The following RELN variants were observed in gnomAD, a reference collection of about 807,000 sequenced individuals.
RELN encodes the protein reelin.
Under a neutral mutation model 427.6 loss-of-function variants are expected in RELN, and 108 were observed. The observed-to-expected ratio is 0.25, with a 90% CI of 0.22 to 0.30. The LOEUF (loss-of-function observed/expected upper bound fraction) is 0.30. Among genes scored for constraint, RELN ranks in the 10% least tolerant of loss-of-function variants. The pLI is 1.00. For synonymous variants in RELN, 1,524 were observed against 1,513.4 expected (o/e 1.01, Z -0.16); for missense variants, 3,715 against 4,302.8 (o/e 0.86, Z 3.82).
intron 3 of RELN, 130 bp downstream of exon 3, chr7:103,833,407 A>T (rs182692696): frequency 1.8e-5 from 17 of 963,748 alleles, no homozygotes; most frequent in Non-Finnish European, 2.8e-5. Flanking sequence ...TTTTGGCAAC[A>T]AAATTAGTGA....
chr7:103,543,119 A>G (rs562741383), intron 42 of RELN, among the ~76,000 whole-genome samples: 135 of 152,292 alleles, frequency 8.9e-4, no homozygotes, highest in African/African-American at 3.2e-3. Flanking sequence ...TTGAGTATCT[A>G]TGGTCCAGCT....
At chr7:103,498,519 T>G (rs141829550) in intron 53 of RELN, among the ~76,000 whole-genome samples, 116 of 152,118 alleles carry the variant, frequency 7.6e-4, no homozygotes, top group African/African-American at 2.7e-3. Flanking sequence ...TGAGACGAAG[T>G]CTTGCTCTGT....
chr7:103,876,090 C>A (rs974559789), intron 2 of RELN, among the ~76,000 whole-genome samples: 1 of 152,128 alleles, frequency 6.6e-6, no homozygotes, highest in African/African-American at 2.4e-5. Context: ...ATTATGTACT[C>A]CTAAGGGGCT....
chr7:103,888,029 A>C (rs1379573551), intron 2 of RELN, among the ~76,000 whole-genome samples: 2 of 152,182 alleles, frequency 1.3e-5, no homozygotes, highest in Non-Finnish European at 2.9e-5. Flanking sequence ...AACAGTAACT[A>C]GACTCAGACT....
intron 10 of RELN, 120 bp from the exon 11 acceptor site, chr7:103,682,381 T>G (rs1833674516): frequency 9.8e-7 from 1 of 1,015,878 alleles, no homozygotes. Flanking sequence ...TATGATGGAC[T>G]CTCAAATCAA....
At position 103,831,411 on chromosome 7, in the gene RELN, A is replaced by G. The variant is rs1046662649; in HGVS notation, c.473+2126T>C. Among the ~76,000 whole-genome samples the G allele has an allele frequency of 6.6e-5, 10 of 152,074 alleles. No homozygotes were observed. In the East Asian group the frequency reaches 1.7e-3, roughly 27 times the overall value. ...ACTAATGGAGAATCAAAAAGAAATA[A>G]GAATTTGTCCCTGTCCAATCTAACA... On this transcript the variant is annotated intron_variant, in intron 3 of 64. Coordinates refer to ENST00000428762, the MANE Select transcript of RELN (RefSeq NM_005045.4).
At chr7:103,503,278 ATTC>A in intron 51 of RELN, 48 bp from the exon 52 acceptor site, 1 of 1,560,042 alleles carries the variant, frequency 6.4e-7, no homozygotes, top group South Asian at 1.1e-5. Context: ...ATATGATATG[ATTC>A]TTCTCCAAGG....
rs201845740 is a variant in RELN at position 103,789,982 on chromosome 7, C to T, written c.474-13355G>A. On this transcript the variant is annotated intron_variant, in intron 3 of 64. Transcript: ENST00000428762. ...GGATAAAGAAAATGTGGGACATATA[C>T]ACCACACAATGCTATGTAGCCATAA... 2.6e-4 allele frequency among the ~76,000 whole-genome samples: 39 copies of T among 152,288 alleles called. No homozygotes were observed. The East Asian group carries it at 4.4e-3, about 17-fold the overall frequency.
At chr7:103,850,932 C>A (rs552185122) in intron 2 of RELN, among the ~76,000 whole-genome samples, 10 of 152,134 alleles carry the variant, frequency 6.6e-5, no homozygotes, top group Non-Finnish European at 1.3e-4. Flanking sequence ...TGCAGAGATT[C>A]CTTAAGGGAC....
At chr7:103,571,748 C>T (rs531145370) in intron 31 of RELN, among the ~76,000 whole-genome samples, 5 of 152,150 alleles carry the variant, frequency 3.3e-5, no homozygotes, top group Admixed American at 6.5e-5. Context: ...AAGAACTGCT[C>T]CTCCTACACA....
At chr7:103,923,476 T>C (rs1795659593) in intron 1 of RELN, among the ~76,000 whole-genome samples, 1 of 151,814 alleles carries the variant, frequency 6.6e-6, no homozygotes, top group African/African-American at 2.4e-5. Flanking sequence ...AAAAAAATCA[T>C]CCCAATAAAT....
intron 10 of RELN, among the ~76,000 whole-genome samples, chr7:103,691,290 T>C (rs1833865774): frequency 6.6e-6 from 1 of 152,094 alleles, no homozygotes; most frequent in South Asian, 2.1e-4. Context: ...CTACTTGAGA[T>C]AAACAAGAAT....
intron 7 of RELN, among the ~76,000 whole-genome samples, chr7:103,723,847 G>A (rs571668190): frequency 6.6e-5 from 10 of 152,212 alleles, no homozygotes; most frequent in African/African-American, 2.2e-4. Flanking sequence ...AAAAGAAATA[G>A]AATTATGAAC....
rs1047849633 is a variant in RELN at position 103,690,693 on chromosome 7, A to C, written c.1143+7160T>G. Among the ~76,000 whole-genome samples, 3 of 152,272 alleles carry C rather than the reference A, an allele frequency of 2.0e-5. No individual in the cohort carries two copies. In the East Asian group the frequency reaches 5.8e-4, roughly 29 times the overall value. On this transcript the variant is annotated intron_variant, in intron 10 of 64. Transcript: ENST00000428762. The stretch of plus-strand genomic sequence containing the variant: ...TCAGGCACCTTCCTTTGCTGAGTGC[A>C]TGAGCTGCTTACTCTGGGAGATTAC...
At chr7:103,746,867 G>A (rs983967685) in intron 6 of RELN, among the ~76,000 whole-genome samples, 28 of 151,938 alleles carry the variant, frequency 1.8e-4, no homozygotes, top group African/African-American at 6.8e-4. Flanking sequence ...GATTCCTCAG[G>A]GATCTAGAAC....
chr7:103,497,025 T>C (rs1332379921), intron 55 of RELN, among the ~76,000 whole-genome samples: 1 of 152,224 alleles, frequency 6.6e-6, no homozygotes, highest in African/African-American at 2.4e-5. Flanking sequence ...TATGTTTTGC[T>C]TTTAAAATTT....
chr7:103,909,350 T>C (rs1795287283), intron 2 of RELN, among the ~76,000 whole-genome samples: 1 of 151,634 alleles, frequency 6.6e-6, no homozygotes, highest in African/African-American at 2.4e-5. Context: ...CAGTGAAAAA[T>C]AAAACAAAAT....
At chr7:103,566,857 G>A in intron 31 of RELN, 98 bp from the exon 32 acceptor site, 9 of 1,191,378 alleles carry the variant, frequency 7.6e-6, no homozygotes, top group Non-Finnish European at 1.0e-5. Context: ...CTCAAATTGT[G>A]TCTCCTAGAA....
At chr7:103,574,670 AT>A (rs113697809) in intron 29 of RELN, among the ~76,000 whole-genome samples, 3 of 152,266 alleles carry the variant, frequency 2.0e-5, no homozygotes, top group African/African-American at 4.8e-5. Flanking sequence ...TCAGTCTCAA[AT>A]TTAAAAAAAA....
Sources: gnomAD v4.1 joint callset for allele counts (sites outside exome capture counted in the v4.1 genomes callset) on GRCh38, gnomAD v4.1.1 for gene constraint, MANE v1.5 for transcripts, NCBI Gene and HGNC (gene_info 2026-07-23, HGNC 2026-07-21) for gene names.